KLF12: variants seen among roughly 807,000 people sequenced by gnomAD.
KLF12 encodes the protein Krueppel-like factor 12.
Under a neutral mutation model 37.8 loss-of-function variants are expected in KLF12, and 9 were observed. The observed-to-expected ratio is 0.24, with a 90% CI of 0.14 to 0.42. The LOEUF (loss-of-function observed/expected upper bound fraction) is 0.42, where lower values mean the gene tolerates loss of function less well. Ranked by LOEUF, KLF12 falls within the 10% of genes least tolerant of loss-of-function variation. The pLI is 1.00. For synonymous variants in KLF12, 208 were observed against 202.1 expected (o/e 1.03, Z -0.25); for missense variants, 411 against 516.0 (o/e 0.80, Z 1.97).
At chr13:74,096,682 T>C (rs1876005527) in intron 1 of KLF12, among the ~76,000 whole-genome samples, 1 of 152,188 alleles carries the variant, frequency 6.6e-6, no homozygotes, top group South Asian at 2.1e-4. Context: ...TTTCCTTTTA[T>C]CCTTGGTTCA....
chr13:74,195,247 G>GAAA, the KLF12 span, among the ~76,000 whole-genome samples: 1 of 152,152 alleles, frequency 6.6e-6, no homozygotes, highest in African/African-American at 2.4e-5. Context: ...ACTTTTAGTG[G>GAAA]AAAAGAAAGT....
chr13:73,911,145 A>G (rs1888549985), intron 3 of KLF12, among the ~76,000 whole-genome samples: 1 of 152,220 alleles, frequency 6.6e-6, no homozygotes, highest in Admixed American at 6.5e-5. Flanking sequence ...TGATTGATAT[A>G]TTAGTTTGAC....
chr13:74,189,478 C>T, the KLF12 span, among the ~76,000 whole-genome samples: 1 of 152,200 alleles, frequency 6.6e-6, no homozygotes, highest in African/African-American at 2.4e-5. Context: ...GGGACTGCCC[C>T]CATTCAACAG....
upstream of KLF12, among the ~76,000 whole-genome samples, chr13:74,137,297 T>G (rs2139053943): frequency 6.6e-6 from 1 of 152,362 alleles, no homozygotes; most frequent in African/African-American, 2.4e-5. Context: ...AGCGAGAAAG[T>G]ACGGTCATAG....
chr13:74,176,592 C>A, the KLF12 span, among the ~76,000 whole-genome samples: 1 of 152,136 alleles, frequency 6.6e-6, no homozygotes, highest in Admixed American at 6.5e-5. Flanking sequence ...TCATGAGCTC[C>A]TGTTCTAGTA....
intron 2 of KLF12, among the ~76,000 whole-genome samples, chr13:73,992,744 T>C (rs369836198): frequency 1.3e-5 from 2 of 152,248 alleles, no homozygotes; most frequent in Non-Finnish European, 2.9e-5. Flanking sequence ...AAACTTCGTC[T>C]TAATATTGAC....
the KLF12 span, among the ~76,000 whole-genome samples, chr13:74,212,620 T>G: frequency 1.3e-5 from 2 of 152,126 alleles, no homozygotes. Context: ...AACTATGGGA[T>G]GAAAGATTTA....
intron 1 of KLF12, among the ~76,000 whole-genome samples, chr13:74,082,721 T>G (rs577654559): frequency 6.6e-6 from 1 of 152,172 alleles, no homozygotes; most frequent in Non-Finnish European, 1.5e-5. Context: ...GTTGTCAGTA[T>G]AACTTTTATC....
chr13:74,179,981 GA>G, the KLF12 span, among the ~76,000 whole-genome samples: 1 of 152,184 alleles, frequency 6.6e-6, no homozygotes, highest in Non-Finnish European at 1.5e-5. Context: ...CTAAAGTTCA[GA>G]GCATGAAGAA....
rs759293570 is a variant in KLF12, at chr13:73,879,651, T to G, written c.124-33278A>C. Among the ~76,000 whole-genome samples the G allele has an allele frequency of 7.6e-4, 115 of 152,152 alleles. 1 individual carries two copies. Among genetic ancestry groups the G allele is most frequent in the Non-Finnish European group, 1.5e-3 (102 of 68,032 alleles). Reference sequence around the variant, plus strand: ...CTTGCAGATCAATCCTATGAAGATATCAACAAAAACAATGACTTAATTACT... The same window carrying G: ...CTTGCAGATCAATCCTATGAAGATAGCAACAAAAACAATGACTTAATTACT... On this transcript the variant is annotated intron_variant, in intron 3 of 7. Transcript: ENST00000377669.
At chr13:74,162,610 C>T in the KLF12 span, among the ~76,000 whole-genome samples, 1 of 152,174 alleles carries the variant, frequency 6.6e-6, no homozygotes, top group Non-Finnish European at 1.5e-5. Flanking sequence ...GTATTTCTCT[C>T]CTTCGTTGCT....
chr13:74,104,320 C>T (rs1033004703), intron 1 of KLF12, among the ~76,000 whole-genome samples: 18 of 152,196 alleles, frequency 1.2e-4, no homozygotes, highest in African/African-American at 4.3e-4. Flanking sequence ...TCAACCGTAA[C>T]TGTACAGCTC....
chr13:74,037,813 C>T (rs911776489), intron 1 of KLF12, among the ~76,000 whole-genome samples: 1 of 152,120 alleles, frequency 6.6e-6, no homozygotes, highest in African/African-American at 2.4e-5. Flanking sequence ...GCAATGAATA[C>T]AGATAAAATC....
intron 3 of KLF12, among the ~76,000 whole-genome samples, chr13:73,896,689 A>G (rs116405733): frequency 0.017 from 2,592 of 152,280 alleles, 47 homozygotes; most frequent in African/African-American, 0.045. Flanking sequence ...AGAATTAGCA[A>G]TTCTCTTCAC....
At chr13:74,054,735 T>G (rs1442724037) in intron 1 of KLF12, among the ~76,000 whole-genome samples, 1 of 152,224 alleles carries the variant, frequency 6.6e-6, no homozygotes, top group Non-Finnish European at 1.5e-5. Context: ...TTAACACCAT[T>G]GGCTTTTATT....
At chr13:74,275,701 T>C in the KLF12 span, among the ~76,000 whole-genome samples, 1 of 142,636 alleles carries the variant, frequency 7.0e-6, no homozygotes. Flanking sequence ...GTATATAACC[T>C]TTTTTTTTTT....
chr13:73,843,509 A>G (rs897609814), intron 4 of KLF12, among the ~76,000 whole-genome samples: 1 of 151,884 alleles, frequency 6.6e-6, no homozygotes, highest in Non-Finnish European at 1.5e-5. Flanking sequence ...GGGTTTCAAA[A>G]TGTTGGCCAG....
chr13:73,994,471 C>A (rs1299672406), intron 2 of KLF12, among the ~76,000 whole-genome samples: 1 of 146,622 alleles, frequency 6.8e-6, no homozygotes, highest in Non-Finnish European at 1.5e-5. Context: ...CAGCGCCCCC[C>A]CCACCACCAC....
chr13:73,914,524 CAG>C (rs971142885), intron 3 of KLF12, among the ~76,000 whole-genome samples: 2 of 150,752 alleles, frequency 1.3e-5, no homozygotes, highest in African/African-American at 5.0e-5. Flanking sequence ...TATAAAGTTA[CAG>C]AAAAAAACAA....
Sources: allele counts gnomAD v4.1 joint callset (sites outside exome capture counted in the v4.1 genomes callset), GRCh38; gene constraint gnomAD v4.1.1; transcripts MANE v1.5; gene names NCBI Gene and HGNC (gene_info 2026-07-23, HGNC 2026-07-21).